Variants in PITPNC1 observed in about 807,000 individuals in gnomAD.
PITPNC1 encodes the protein phosphatidylinositol transfer protein cytoplasmic 1, also known as cytoplasmic phosphatidylinositol transfer protein 1.
PITPNC1 carries 18 observed loss-of-function variants against 44.7 expected under a neutral mutation model. That is an observed-to-expected ratio of 0.40 (90% CI 0.28 to 0.60). PITPNC1 has a LOEUF of 0.60. PITPNC1 is among the 20% of genes least tolerant of loss of function. The pLI is 0.39. For missense variants in PITPNC1, 290 were observed against 418.4 expected, an observed-to-expected ratio of 0.69 and a Z score of 2.68; for synonymous variants, 141 against 149.6, an observed-to-expected ratio of 0.94 and a Z score of 0.42.
chr17:67,648,456 G>T (rs1227435006), intron 6 of PITPNC1, among the ~76,000 whole-genome samples: 1 of 152,212 alleles, frequency 6.6e-6, no homozygotes, highest in Non-Finnish European at 1.5e-5. Context: ...ACTGTCTCAT[G>T]TATTAAGGTG....
chr17:67,495,349 C>T (rs1208324120), intron 1 of PITPNC1, among the ~76,000 whole-genome samples: 5 of 152,038 alleles, frequency 3.3e-5, no homozygotes, highest in South Asian at 2.1e-4. Flanking sequence ...TGAGCCACCG[C>T]GCCCGGCCTC....
chr17:67,557,699 C>T (rs1006990108), intron 4 of PITPNC1, among the ~76,000 whole-genome samples: 4 of 152,206 alleles, frequency 2.6e-5, no homozygotes, highest in African/African-American at 4.8e-5. Flanking sequence ...TCTCTGTCCA[C>T]GACAGCCCTG....
rs575607466 is a variant in PITPNC1 at position 67,615,479 on chromosome 17, C to T, written c.367-16664C>T. 1.9e-4 allele frequency among the ~76,000 whole-genome samples: 29 copies of T among 152,226 alleles called. 1 individual carries two copies. The highest frequency in any genetic ancestry group is 2.9e-4 in the Non-Finnish European group (20 of 68,012). Reference sequence around the variant, plus strand: ...TCGATGCCTCGTGTGGCCACCCCACCGCACGAGCCATAGCCAGCCATCTGT... The same window carrying T: ...TCGATGCCTCGTGTGGCCACCCCACTGCACGAGCCATAGCCAGCCATCTGT... On this transcript the variant is annotated intron_variant, in intron 5 of 8. Coordinates refer to ENST00000581322, the MANE Select transcript of PITPNC1 (RefSeq NM_012417.4).
At chr17:67,460,944 G>A (rs1390166222) in intron 1 of PITPNC1, among the ~76,000 whole-genome samples, 1 of 151,868 alleles carries the variant, frequency 6.6e-6, no homozygotes, top group Non-Finnish European at 1.5e-5. Flanking sequence ...GTTTCACCAT[G>A]TTGGCCAGGC....
chr17:67,659,421 A>C (rs2042311921), intron 6 of PITPNC1, among the ~76,000 whole-genome samples: 1 of 152,148 alleles, frequency 6.6e-6, no homozygotes, highest in Non-Finnish European at 1.5e-5. Flanking sequence ...ACATGGTCTC[A>C]CCACATGGCT....
chr17:67,645,344 A>G (rs970700877), intron 6 of PITPNC1, among the ~76,000 whole-genome samples: 69 of 107,118 alleles, frequency 6.4e-4, no homozygotes, highest in African/African-American at 2.7e-3. Context: ...TCCATCTCAG[A>G]AAAAAAAAAA....
chr17:67,606,216 A>G (rs1252754595), intron 5 of PITPNC1, among the ~76,000 whole-genome samples: 1 of 152,262 alleles, frequency 6.6e-6, no homozygotes, highest in East Asian at 1.9e-4. Flanking sequence ...TATGTCTTAC[A>G]TAAGTCATGA....
chr17:67,630,434 A>G (rs1030618341), intron 5 of PITPNC1, among the ~76,000 whole-genome samples: 2 of 152,122 alleles, frequency 1.3e-5, no homozygotes, highest in Non-Finnish European at 2.9e-5. Context: ...CCTGGCCACC[A>G]TGGTGAAACC....
chr17:67,493,135 T>C (rs112022128), intron 1 of PITPNC1, among the ~76,000 whole-genome samples: 4,965 of 152,302 alleles, frequency 0.033, 152 homozygotes, highest in African/African-American at 0.083. Context: ...GAGAATCCAA[T>C]GGTAGATTCA....
intron 5 of PITPNC1, among the ~76,000 whole-genome samples, chr17:67,579,614 A>ATTTTTTTTT (rs558310588): frequency 1.1e-5 from 1 of 88,788 alleles, no homozygotes; most frequent in Non-Finnish European, 2.1e-5. Flanking sequence ...TAAAATAGTG[A>ATTTTTTTTT]TTTTTTTTTT....
chr17:67,463,934 C>CTGTA (rs904416751), intron 1 of PITPNC1, among the ~76,000 whole-genome samples: 1 of 151,988 alleles, frequency 6.6e-6, no homozygotes, highest in Non-Finnish European at 1.5e-5. Flanking sequence ...TGGCTCATGC[C>CTGTA]TGTAACCCCA....
At chr17:67,599,034 A>ATATATATATATATTT (rs1461493250) in intron 5 of PITPNC1, among the ~76,000 whole-genome samples, 6 of 35,670 alleles carry the variant, frequency 1.7e-4, no homozygotes, top group East Asian at 9.2e-4. Flanking sequence ...ATATATATAT[A>ATATATATATATATTT]TTTTTTTTTT....
At chr17:67,379,899 C>A (rs775466602) in intron 1 of PITPNC1, among the ~76,000 whole-genome samples, 1 of 152,164 alleles carries the variant, frequency 6.6e-6, no homozygotes, top group African/African-American at 2.4e-5. Flanking sequence ...CTACTAACTA[C>A]AAAATCTCTT....
chr17:67,419,618 T>G (rs2038640009), intron 1 of PITPNC1, among the ~76,000 whole-genome samples: 1 of 151,442 alleles, frequency 6.6e-6, no homozygotes, highest in Non-Finnish European at 1.5e-5. Flanking sequence ...AAAAATAAAT[T>G]AAAGAGGCCA....
rs183995803 is a variant in PITPNC1, at chr17:67,630,724, T to A, written c.367-1419T>A. Among the ~76,000 whole-genome samples the A allele has an allele frequency of 2.8e-3, 423 of 152,160 alleles. 1 individual carries two copies. The highest frequency in any genetic ancestry group is 9.7e-3 in the African/African-American group (403 of 41,528). On this transcript the variant is annotated intron_variant, in intron 5 of 8. Transcript: ENST00000581322. ...TTTCCACTGAAATTTAGACTTTTTT[T>A]TTTTTTTGAGACAGTCTCACTCTGT...
At chr17:67,500,482 C>T (rs1333433058) in intron 1 of PITPNC1, among the ~76,000 whole-genome samples, 3 of 151,932 alleles carry the variant, frequency 2.0e-5, no homozygotes, top group South Asian at 2.1e-4. Context: ...CCAGGGGCCT[C>T]GAGGAATACC....
At chr17:67,606,639 A>G (rs774704829) in intron 5 of PITPNC1, among the ~76,000 whole-genome samples, 3 of 152,228 alleles carry the variant, frequency 2.0e-5, no homozygotes, top group Non-Finnish European at 4.4e-5. Context: ...AAACACAGCC[A>G]CAACCTGCTA....
chr17:67,441,027 G>A (rs559769937), intron 1 of PITPNC1, among the ~76,000 whole-genome samples: 46 of 152,270 alleles, frequency 3.0e-4, no homozygotes, highest in Admixed American at 1.0e-3. Flanking sequence ...AGTCTTGGGT[G>A]CATCTGTCAG....
Position 67,694,967 on chromosome 17 carries a change from C to T in PITPNC1, c.*2079C>T, listed in dbSNP as rs2042987017. 1 of 152,186 alleles carries T rather than the reference C, an allele frequency of 6.6e-6. No individual in the cohort carries two copies. Among genetic ancestry groups the T allele is most frequent in the African/African-American group, 2.4e-5 (1 of 41,444 alleles). The allele number at this position is 152,186 out of a possible 1,614,324, so 9.4% of individuals were successfully genotyped here. On this transcript the variant is annotated 3_prime_UTR_variant, in exon 9 of 9. Coordinates refer to ENST00000581322, the MANE Select transcript of PITPNC1 (RefSeq NM_012417.4). ...TCACATAGAATGTATTTATTTTGTG[C>T]AGGCTGTTAAACACATCTGGCACCT... is the stretch of plus-strand genomic sequence containing the variant.
Sources: gnomAD v4.1 joint callset for allele counts (sites outside exome capture counted in the v4.1 genomes callset) on GRCh38, gnomAD v4.1.1 for gene constraint, MANE v1.5 for transcripts, NCBI Gene and HGNC (gene_info 2026-07-23, HGNC 2026-07-21) for gene names.